The following PLB1 variants were observed in gnomAD, a reference collection of about 807,000 sequenced individuals.
PLB1 encodes the protein phospholipase B1, membrane-associated.
A neutral mutation model predicts 227.4 loss-of-function variants in PLB1; 242 were observed. That is an observed-to-expected ratio of 1.06 (90% CI 0.96 to 1.18). The LOEUF is 1.18. Ranked by LOEUF, PLB1 falls within the 50% of genes most tolerant of loss-of-function variation. PLB1 has a pLI of 0.00. For synonymous variants in PLB1, 757 were observed against 682.2 expected (o/e 1.11, Z -1.71); for missense variants, 1,858 against 1,816.3 (o/e 1.02, Z -0.42).
intron 20 of PLB1, among the ~76,000 whole-genome samples, chr2:28,568,395 G>A (rs1362263117): frequency 6.6e-6 from 1 of 152,188 alleles, no homozygotes; most frequent in Non-Finnish European, 1.5e-5. Context: ...CCCCACAGGT[G>A]GATGACTCCC....
intron 17 of PLB1, among the ~76,000 whole-genome samples, chr2:28,559,483 G>C (rs962567290): frequency 2.0e-5 from 3 of 152,214 alleles, no homozygotes; most frequent in Non-Finnish European, 4.4e-5. Flanking sequence ...TTTCCAATGA[G>C]AGCAAATCCT....
intron 46 of PLB1, 150 bp downstream of exon 46, chr2:28,618,549 G>T: frequency 1.3e-6 from 1 of 771,650 alleles, no homozygotes; most frequent in South Asian, 1.7e-5. Context: ...ACACAGCCAG[G>T]AGATGTAGAA....
At chr2:28,500,783 T>C (rs1049307701) in intron 1 of PLB1, among the ~76,000 whole-genome samples, 1 of 152,224 alleles carries the variant, frequency 6.6e-6, no homozygotes. Context: ...AATTCACTTA[T>C]GGACTCTTAT....
intron 6 of PLB1, among the ~76,000 whole-genome samples, chr2:28,527,356 A>T (rs1306719967): frequency 6.6e-6 from 1 of 152,150 alleles, no homozygotes; most frequent in African/African-American, 2.4e-5. Context: ...ATGGGGAAGG[A>T]GGGAGGAGTG....
chr2:28,579,735 C>G, intron 23 of PLB1, 28 bp downstream of exon 23: 2 of 1,580,744 alleles, frequency 1.3e-6, no homozygotes, highest in Non-Finnish European at 1.7e-6. Flanking sequence ...TTACTCAAGA[C>G]TCACCCCCAG....
intron 12 of PLB1, 81 bp from the exon 13 acceptor site, chr2:28,541,626 C>T (rs368205036): frequency 6.7e-5 from 70 of 1,037,276 alleles, no homozygotes; most frequent in South Asian, 6.6e-4. Context: ...CCAGGGCTGC[C>T]GAGAATGATT....
intron 20 of PLB1, 53 bp downstream of exon 20, chr2:28,566,892 T>C: frequency 6.2e-7 from 1 of 1,601,096 alleles, no homozygotes; most frequent in Non-Finnish European, 8.5e-7. Context: ...CCCTGCACGC[T>C]TCCCGCTCCC....
At chr2:28,601,213 T>C in intron 36 of PLB1, 39 bp from the exon 37 acceptor site, 1 of 1,521,144 alleles carries the variant, frequency 6.6e-7, no homozygotes, top group South Asian at 1.1e-5. Flanking sequence ...TTTCATTTCC[T>C]TGTTGGAAAT....
At chr2:28,626,795 C>A (rs753337258) in intron 51 of PLB1, among the ~76,000 whole-genome samples, 2 of 152,200 alleles carry the variant, frequency 1.3e-5, no homozygotes, top group Non-Finnish European at 2.9e-5. Context: ...CTTATCCACA[C>A]AAATATGACC....
intron 56 of PLB1, among the ~76,000 whole-genome samples, chr2:28,640,049 G>A (rs1437735281): frequency 6.6e-6 from 1 of 152,186 alleles, no homozygotes; most frequent in Non-Finnish European, 1.5e-5. Flanking sequence ...CTAAGGAACG[G>A]GTGTAAAAGG....
intron 2 of PLB1, 40 bp downstream of exon 2, chr2:28,516,909 G>A (rs1414770472): frequency 1.3e-6 from 2 of 1,588,582 alleles, no homozygotes; most frequent in East Asian, 2.2e-5. Flanking sequence ...GTGTATGGAG[G>A]GGAGAGGGAG....
chr2:28,604,120 G>A, intron 40 of PLB1, 73 bp downstream of exon 40: 1 of 1,404,618 alleles, frequency 7.1e-7, no homozygotes. Context: ...AGAGCCCCTA[G>A]AGGAGGCACA....
chr2:28,598,882 G>A (rs1402960521), intron 35 of PLB1, 122 bp downstream of exon 35: 6 of 812,574 alleles, frequency 7.4e-6, no homozygotes. Flanking sequence ...TGAGGCTCAG[G>A]CTGCCCTCTT....
intron 9 of PLB1, among the ~76,000 whole-genome samples, chr2:28,532,557 G>A (rs1174050288): frequency 1.3e-5 from 2 of 152,154 alleles, no homozygotes; most frequent in Non-Finnish European, 2.9e-5. Flanking sequence ...ACTGTCACAA[G>A]GAACAGGTGT....
Position 28,643,183 on chromosome 2 carries a change from C to A in PLB1, c.*122C>A. On this transcript the variant is annotated 3_prime_UTR_variant, in exon 58 of 58. Coordinates refer to ENST00000327757, the MANE Select transcript of PLB1 (RefSeq NM_153021.5). Reference sequence around the variant, plus strand: ...CTGGTGCCATAGGAAGCCCAGGGGACAGTCACAACTTCTTGGGGCCTGGGC... The same window carrying A: ...CTGGTGCCATAGGAAGCCCAGGGGAAAGTCACAACTTCTTGGGGCCTGGGC... 1 of 911,206 alleles carries A rather than the reference C, an allele frequency of 1.1e-6. No homozygotes were observed. Among genetic ancestry groups the A allele is most frequent in the Non-Finnish European group, 1.6e-6 (1 of 617,298 alleles). 56.4% of individuals were successfully genotyped at this position (911,206 alleles called of 1,614,324 possible).
At chr2:28,632,570 C>T (rs552085772) in intron 55 of PLB1, among the ~76,000 whole-genome samples, 13 of 152,112 alleles carry the variant, frequency 8.5e-5, no homozygotes, top group African/African-American at 2.9e-4. Context: ...GGTTGAATCA[C>T]GAGGTTAGGA....
At chr2:28,629,019 T>G in intron 52 of PLB1, 75 bp from the exon 53 acceptor site, 1 of 1,248,900 alleles carries the variant, frequency 8.0e-7, no homozygotes, top group Non-Finnish European at 1.1e-6. Flanking sequence ...GAGTGGGAAT[T>G]GGATTGTAGA....
intron 10 of PLB1, 74 bp from the exon 11 acceptor site, chr2:28,539,025 G>A (rs1672096763): frequency 7.4e-6 from 9 of 1,218,778 alleles, no homozygotes; most frequent in Admixed American, 5.1e-5. Context: ...CGGGGCCCAA[G>A]CAGGAGTTCC....
At chr2:28,562,664 A>G (rs1676253047) in intron 17 of PLB1, among the ~76,000 whole-genome samples, 1 of 152,062 alleles carries the variant, frequency 6.6e-6, no homozygotes, top group African/African-American at 2.4e-5. Context: ...GAATAGATTA[A>G]GTATTGGTTG....
Sources: gnomAD v4.1 joint callset for allele counts (sites outside exome capture counted in the v4.1 genomes callset) on GRCh38, gnomAD v4.1.1 for gene constraint, MANE v1.5 for transcripts, NCBI Gene and HGNC (gene_info 2026-07-23, HGNC 2026-07-21) for gene names.